KCNA6: variants seen among roughly 807,000 people sequenced by gnomAD.
KCNA6 encodes the protein potassium voltage-gated channel subfamily A member 6.
KCNA6 carries 17 observed loss-of-function variants against 29.5 expected under a neutral mutation model. The ratio of observed to expected loss-of-function variants is 0.58; its 90% CI spans 0.39 to 0.86. KCNA6 has a LOEUF of 0.86. Among genes scored for constraint, KCNA6 ranks in the 40% least tolerant of loss-of-function variants. The pLI, the probability that KCNA6 is intolerant of heterozygous loss-of-function variation, is 0.00. For synonymous variants in KCNA6, 296 were observed against 304.7 expected (o/e 0.97, Z 0.30); for missense variants, 450 against 703.4 (o/e 0.64, Z 4.07).
chr12:4,841,599 A>C, the KCNA6 span, among the ~76,000 whole-genome samples: 1 of 152,184 alleles, frequency 6.6e-6, no homozygotes, highest in Non-Finnish European at 1.5e-5. Flanking sequence ...ACCATCGATG[A>C]TTATGTCTAA....
the KCNA6 span, among the ~76,000 whole-genome samples, chr12:4,844,842 ATT>A: frequency 6.6e-6 from 1 of 150,490 alleles, no homozygotes; most frequent in African/African-American, 2.4e-5. This position sits in a 1 kb window ranked among gnomAD's most constrained non-coding sequence, Gnocchi z 4.0. Context: ...CAAGCAGTAT[ATT>A]ATAATGTTCA....
At chr12:4,847,961 C>T in the KCNA6 span, among the ~76,000 whole-genome samples, 1 of 152,060 alleles carries the variant, frequency 6.6e-6, no homozygotes, top group Non-Finnish European at 1.5e-5. Flanking sequence ...TTTGATATTA[C>T]CCTGGGAGCA....
chr12:4,827,194 TTCCTTCC>T, the KCNA6 span, among the ~76,000 whole-genome samples: 1 of 54,838 alleles, frequency 1.8e-5, no homozygotes, highest in African/African-American at 7.6e-5. Flanking sequence ...CCCTCCTTCC[TTCCTTCC>T]TTCCCTCCTT....
chr12:4,837,265 C>T, the KCNA6 span, among the ~76,000 whole-genome samples: 2 of 152,226 alleles, frequency 1.3e-5, no homozygotes, highest in Admixed American at 6.5e-5. Context: ...CTCCGTGTCT[C>T]TTCTCCATAC....
chr12:4,821,460 G>GTT, the KCNA6 span, among the ~76,000 whole-genome samples: 3 of 139,100 alleles, frequency 2.2e-5, no homozygotes, highest in Non-Finnish European at 3.1e-5. Flanking sequence ...GTGTGTGTGT[G>GTT]TTTTGTTTTT....
chr12:4,843,338 G>A, the KCNA6 span, among the ~76,000 whole-genome samples: 15 of 151,984 alleles, frequency 9.9e-5, no homozygotes, highest in African/African-American at 3.6e-4. Context: ...CCGCCACCAC[G>A]CCCGGCTAAT....
chr12:4,826,066 C>T, the KCNA6 span, among the ~76,000 whole-genome samples: 1 of 152,200 alleles, frequency 6.6e-6, no homozygotes, highest in Non-Finnish European at 1.5e-5. Flanking sequence ...ACCAGGTTTT[C>T]TCAGTATTCT....
Position 4,811,607 on chromosome 12 carries a change from G to C in KCNA6, c.1566G>C (p.Glu522Asp), listed in dbSNP as rs746613726. The C allele has an allele frequency of 5.0e-6, 8 of 1,613,924 alleles. No homozygotes were observed. The African/African-American group carries it at 1.1e-4, about 22-fold the overall frequency. Residue 522 changes from glutamate to aspartate, a missense_variant, in exon 1 of 1, where the codon GAG becomes GAC. Glu to Asp is a conservative substitution (Grantham distance 45). This residue lies in a region of KCNA6 where 56 missense variants were observed against 65.2 expected (regional missense o/e 0.86). Transcript: ENST00000280684. The surrounding 1 kb of genome is among the most constrained non-coding windows in gnomAD (Gnocchi z 7.1). ...CTACACCACATCGGGCCTATGCAGA[G>C]AAAAGAATGCTCACGGAGGTCTGAC... is the stretch of plus-strand genomic sequence containing the variant.
the KCNA6 span, among the ~76,000 whole-genome samples, chr12:4,828,120 T>C: frequency 6.6e-6 from 1 of 152,022 alleles, no homozygotes; most frequent in Non-Finnish European, 1.5e-5. Flanking sequence ...TCTGTATCTG[T>C]ATCTCTATAG....
At chr12:4,825,122 C>T in the KCNA6 span, among the ~76,000 whole-genome samples, 2 of 152,214 alleles carry the variant, frequency 1.3e-5, no homozygotes, top group African/African-American at 4.8e-5. Context: ...TTCTCAGTTA[C>T]ACATCTCCTG....
chr12:4,831,491 G>A, the KCNA6 span, among the ~76,000 whole-genome samples: 2 of 152,166 alleles, frequency 1.3e-5, no homozygotes, highest in Non-Finnish European at 2.9e-5. Flanking sequence ...TTCTGGTTCA[G>A]TCTGGGCTAG....
At chr12:4,822,692 C>T in the KCNA6 span, among the ~76,000 whole-genome samples, 1 of 152,234 alleles carries the variant, frequency 6.6e-6, no homozygotes, top group Non-Finnish European at 1.5e-5. Flanking sequence ...TGATGTCAGA[C>T]TGTGGAGCAC....
the KCNA6 span, among the ~76,000 whole-genome samples, chr12:4,843,608 G>C: frequency 6.6e-6 from 1 of 152,194 alleles, no homozygotes; most frequent in Admixed American, 6.5e-5. Context: ...AAGAAAAGAG[G>C]TTTAATTGGC....
the KCNA6 span, among the ~76,000 whole-genome samples, chr12:4,840,462 A>G: frequency 4.6e-5 from 7 of 152,218 alleles, no homozygotes; most frequent in South Asian, 6.2e-4. Flanking sequence ...CAGAATGGCT[A>G]TTACTAAAAA....
At chr12:4,846,791 T>TA in the KCNA6 span, among the ~76,000 whole-genome samples, 1 of 22,258 alleles carries the variant, frequency 4.5e-5, no homozygotes, top group African/African-American at 2.2e-4. Flanking sequence ...TTTTTTTTTT[T>TA]AATTTGAGAC....
At chr12:4,830,563 G>GC in the KCNA6 span, among the ~76,000 whole-genome samples, 1 of 152,328 alleles carries the variant, frequency 6.6e-6, no homozygotes, top group African/African-American at 2.4e-5. Flanking sequence ...AACGGCATCT[G>GC]CCCCTTCCGC....
Position 4,810,683 on chromosome 12 carries a change from C to T in KCNA6, c.642C>T (p.Val214=), listed in dbSNP as rs1162428877. The change falls in exon 1 of 1, where the codon GTC becomes GTT. Residue 214 remains valine, a synonymous_variant. Transcript: ENST00000280684. This position sits in a 1 kb window ranked among gnomAD's most constrained non-coding sequence, Gnocchi z 7.5. ...GAAACAATGGTGGTGTGAGTCGAGT[C>T]TCCCCAGTTTCCAGGGGGAGTCAGG... 20 of 1,614,110 alleles carry T rather than the reference C, an allele frequency of 1.2e-5. No individual in the cohort carries two copies. Among genetic ancestry groups the T allele is most frequent in the Non-Finnish European group, 1.6e-5 (19 of 1,179,998 alleles).
the KCNA6 span, among the ~76,000 whole-genome samples, chr12:4,829,684 G>A: frequency 1.3e-5 from 2 of 151,592 alleles, no homozygotes; most frequent in South Asian, 2.1e-4. Flanking sequence ...ATCTAGGGTG[G>A]TTTCCAAGTT....
the KCNA6 span, chr12:4,839,195 A>G: frequency 6.6e-6 from 1 of 152,234 alleles, no homozygotes; most frequent in African/African-American, 2.4e-5. Flanking sequence ...CCTGTAAACA[A>G]CATGGGTTTA....
Sources: gnomAD v4.1 joint callset for allele counts (sites outside exome capture counted in the v4.1 genomes callset) on GRCh38, gnomAD v4.1.1 for gene constraint, gnomAD v4.1.1 regional missense constraint, Gnocchi (gnomAD v3.1) non-coding constraint, MANE v1.5 for transcripts, NCBI Gene and HGNC (gene_info 2026-07-23, HGNC 2026-07-21) for gene names.